The following PTPRS variants were observed in gnomAD, a reference collection of about 807,000 sequenced individuals.
The protein encoded by PTPRS is receptor-type tyrosine-protein phosphatase S.
In PTPRS, 63 loss-of-function variants were observed where a neutral mutation model predicts 215.3. The ratio of observed to expected loss-of-function variants is 0.29; its 90% CI spans 0.24 to 0.36. The LOEUF (loss-of-function observed/expected upper bound fraction) is 0.36, where lower values mean the gene tolerates loss of function less well. Among genes scored for constraint, PTPRS ranks in the 10% least tolerant of loss-of-function variants. The pLI is 1.00. For missense variants in PTPRS, 2,258 were observed against 2,825.8 expected (o/e 0.80, Z 4.56); for synonymous variants, 1,404 against 1,191.4 (o/e 1.18, Z -3.68).
chr19:5,330,483 G>A (rs1401945184), intron 1 of PTPRS, among the ~76,000 whole-genome samples: 2 of 152,204 alleles, frequency 1.3e-5, no homozygotes, highest in Non-Finnish European at 2.9e-5. Flanking sequence ...CAGCTGTTTG[G>A]AGAATGTGGG....
chr19:5,231,429 G>A lies in PTPRS; in HGVS notation c.2036C>T (p.Thr679Ile). 1.2e-6 allele frequency: 2 copies of A among 1,613,240 alleles called. No individual in the cohort carries two copies. The highest frequency in any genetic ancestry group is 1.7e-6 in the Non-Finnish European group (2 of 1,179,922). ...KEVNGIPPTTTQILLEALEKW... is the reference protein window; with the variant it reads ...KEVNGIPPTTIQILLEALEKW... ...CTCCAAGGCCTCCAGCAGGATCTGAGTGGTGGTCGGGGGGATGCCGTTCAC... is the reference window on the plus strand; with the variant it reads ...CTCCAAGGCCTCCAGCAGGATCTGAATGGTGGTCGGGGGGATGCCGTTCAC... Residue 679 changes from threonine (T) to isoleucine (I), a missense_variant, in exon 14 of 38, where the codon ACT (threonine) becomes ATT (isoleucine). Around this residue, in one of 6 missense-constraint regions of PTPRS, gnomAD observed 371 missense variants for 446.7 expected, o/e 0.83. Transcript: ENST00000262963.
chr19:5,218,564 A>G, intron 24 of PTPRS, 32 bp from the exon 25 acceptor site: 1 of 1,601,256 alleles, frequency 6.2e-7, no homozygotes, highest in Non-Finnish European at 8.6e-7. Flanking sequence ...CAGTCCAGTT[A>G]GTAGTGGCAC....
chr19:5,223,035 C>G lies in PTPRS; in HGVS notation c.2757G>C (p.Glu919Asp). ...GCGTGTCCTCCGGGATGCTCAGGAC[C>G]TCGGCTGCCTCCTCGCCCAGGCCGC... ...SRGGLGEEAA[E>D]VLSIPEDTPR... is the part of the protein sequence containing the mutation. The change falls in exon 18 of 38, where the codon GAG (glutamate) becomes GAC (aspartate). Residue 919 changes from glutamate to aspartate, a missense_variant. Transcript: ENST00000262963. 5 of 1,546,956 alleles carry G rather than the reference C, an allele frequency of 3.2e-6. No individual in the cohort carries two copies. The South Asian group carries it at 4.7e-5, about 15-fold the overall frequency.
chr19:5,275,777 A>T (rs942583295), intron 2 of PTPRS, among the ~76,000 whole-genome samples: 5 of 151,990 alleles, frequency 3.3e-5, no homozygotes, highest in Non-Finnish European at 5.9e-5. Flanking sequence ...CCACACTTCA[A>T]CCTGGGCGAC....
intron 20 of PTPRS, 144 bp downstream of exon 20, chr19:5,220,856 T>G: frequency 1.0e-6 from 1 of 969,522 alleles, no homozygotes; most frequent in Non-Finnish European, 1.5e-6. Flanking sequence ...CATTGAATCT[T>G]GGATGACCCC....
chr19:5,318,880 C>T (rs1290198266), intron 1 of PTPRS, among the ~76,000 whole-genome samples: 2 of 152,148 alleles, frequency 1.3e-5, no homozygotes, highest in Non-Finnish European at 2.9e-5. Flanking sequence ...ACCCTATTCC[C>T]CTTGAATTGC....
In PTPRS at chr19:5,205,802, G is replaced by A. The variant is rs998800959; in HGVS notation, c.*972C>T. Among the ~76,000 whole-genome samples the A allele has an allele frequency of 2.6e-5, 4 of 152,044 alleles. No homozygotes were observed. The highest frequency in any genetic ancestry group is 4.4e-5 in the Non-Finnish European group (3 of 68,014). Reference sequence around the variant, plus strand: ...GATCCTCTCTGTCTCCTTGGGGGCGGGAGACGGGGAGACAGCTCAGGCTCT... The same window carrying A: ...GATCCTCTCTGTCTCCTTGGGGGCGAGAGACGGGGAGACAGCTCAGGCTCT... On this transcript the variant is annotated 3_prime_UTR_variant, in exon 38 of 38. Transcript: ENST00000262963.
chr19:5,269,921 C>CA (rs33953639), intron 4 of PTPRS, among the ~76,000 whole-genome samples: 847 of 82,602 alleles, frequency 0.01, 33 homozygotes, highest in African/African-American at 0.033. Context: ...AACTCCATCT[C>CA]AAAAAAAAAA....
At chr19:5,313,571 G>A (rs967262256) in intron 1 of PTPRS, among the ~76,000 whole-genome samples, 1 of 152,160 alleles carries the variant, frequency 6.6e-6, no homozygotes, top group African/African-American at 2.4e-5. Flanking sequence ...GAGTCAACGG[G>A]GACCTCCCTA....
chr19:5,222,027 C>G, intron 19 of PTPRS, 96 bp downstream of exon 19: 1 of 1,009,504 alleles, frequency 9.9e-7, no homozygotes, highest in Non-Finnish European at 1.6e-6. Flanking sequence ...GCCCTGATCC[C>G]TCACTTCACA....
In PTPRS at chr19:5,340,639, A is replaced by ATT. The variant is rs202042466; in HGVS notation, c.-95+23_-95+24dup. On this transcript the variant is annotated intron_variant, in intron 1 of 37. Transcript: ENST00000262963. ...GCATTTTTTTTTCCTCTAATCCATG[A>ATT]TTTTATTTTTTTTTTTGGCTTTACC... The ATT allele has an allele frequency of 1.6e-3, 210 of 133,826 alleles. 4 individuals carry two copies. The highest frequency in any genetic ancestry group is 5.0e-3 in the African/African-American group (180 of 35,654). The allele number at this position is 133,826 out of a possible 1,614,324, so 8.3% of individuals were successfully genotyped here. A position where few individuals can be genotyped will look rare whatever the true frequency, so the allele number is the denominator to read the frequency against.
chr19:5,206,945 G>A, intron 37 of PTPRS, 103 bp from the exon 38 acceptor site: 1 of 1,025,376 alleles, frequency 9.8e-7, no homozygotes, highest in Non-Finnish European at 1.5e-6. Flanking sequence ...CCTTGTGCGT[G>A]TCTCTTGCAG....
At position 5,206,225 on chromosome 19, in the gene PTPRS, T is replaced by G; in HGVS notation, c.*549A>C. The stretch of plus-strand genomic sequence containing the variant: ...TTAGTTCTCTTTGAAAGTCATTGAC[T>G]GGCGAGTCTTTTGTTTGTTTCTCTT... On this transcript the variant is annotated 3_prime_UTR_variant, in exon 38 of 38. Transcript: ENST00000262963. 5.0e-6 allele frequency: 1 copy of G among 200,450 alleles called. No homozygotes were observed. Among genetic ancestry groups the G allele is most frequent in the African/African-American group, 2.7e-5 (1 of 36,410 alleles). The allele number at this position is 200,450 out of a possible 1,614,324, so 12.4% of individuals were successfully genotyped here. A position where few individuals can be genotyped will look rare whatever the true frequency, so the allele number is the denominator to read the frequency against.
intron 37 of PTPRS, among the ~76,000 whole-genome samples, chr19:5,207,476 G>A (rs2040469596): frequency 1.3e-5 from 2 of 152,180 alleles, no homozygotes; most frequent in Admixed American, 1.3e-4. Context: ...CAAAGTGCTG[G>A]GATTACAGGT....
intron 1 of PTPRS, among the ~76,000 whole-genome samples, chr19:5,322,154 G>A (rs368347364): frequency 6.6e-6 from 1 of 152,164 alleles, no homozygotes; most frequent in East Asian, 1.9e-4. Context: ...CACGGTCCCC[G>A]CCTGAGCTGG....
intron 14 of PTPRS, 65 bp from the exon 15 acceptor site, chr19:5,229,749 G>A (rs1005268253): frequency 3.3e-4 from 343 of 1,025,132 alleles, no homozygotes; most frequent in Non-Finnish European, 4.0e-4. Flanking sequence ...GCCCTGCCCC[G>A]GGCAGTGCCA....
intron 1 of PTPRS, among the ~76,000 whole-genome samples, chr19:5,305,019 A>T (rs1022315598): frequency 2.7e-4 from 41 of 151,930 alleles, no homozygotes; most frequent in African/African-American, 9.7e-4. Context: ...TGACCTCTCT[A>T]GGTGGCTCCC....
chr19:5,228,345 GA>G (rs1182448623), intron 16 of PTPRS, among the ~76,000 whole-genome samples: 3 of 33,266 alleles, frequency 9.0e-5, no homozygotes, highest in African/African-American at 9.5e-5. Context: ...ACTCCGTCTG[GA>G]GAAAAAAAAA....
chr19:5,340,223 C>G lies in PTPRS; in HGVS notation c.-95+441G>C, dbSNP rs1358422371. Among the ~76,000 whole-genome samples, 4 of 150,620 alleles carry G rather than the reference C, an allele frequency of 2.7e-5. No homozygotes were observed. In the East Asian group the frequency reaches 7.9e-4, roughly 30 times the overall value. ...CACAGCGCCCCCTGCCTCCAGGACC[C>G]GCCCGGGGACCCGGGCCGGGCGCCG... On this transcript the variant is annotated intron_variant, in intron 1 of 37. Transcript: ENST00000262963.
Sources: gnomAD v4.1 joint callset for allele counts (sites outside exome capture counted in the v4.1 genomes callset) on GRCh38, gnomAD v4.1.1 for gene constraint, gnomAD v4.1.1 regional missense constraint, MANE v1.5 for transcripts, NCBI Gene and HGNC (gene_info 2026-07-23, HGNC 2026-07-21) for gene names.